SLC23A2: variants seen among roughly 807,000 people sequenced by gnomAD.
The protein encoded by SLC23A2 is Na(+)/L-ascorbic acid transporter 2.
A neutral mutation model predicts 73.3 loss-of-function variants in SLC23A2; 36 were observed. That is an observed-to-expected ratio of 0.49 (90% CI 0.38 to 0.65). The LOEUF is 0.65. Among genes scored for constraint, SLC23A2 ranks in the 30% least tolerant of loss-of-function variants. SLC23A2 has a pLI of 0.00. For missense variants in SLC23A2, 507 were observed against 841.6 expected, an observed-to-expected ratio of 0.60 and a Z score of 4.92; for synonymous variants, 343 against 327.3, an observed-to-expected ratio of 1.05 and a Z score of -0.52.
At chr20:4,907,496 T>C (rs181342535) in intron 4 of SLC23A2, among the ~76,000 whole-genome samples, 4 of 152,184 alleles carry the variant, frequency 2.6e-5, no homozygotes, top group African/African-American at 7.2e-5. Context: ...AAAAAAACTA[T>C]CTTCAGAAAA....
At chr20:4,992,367 T>C (rs919581640) in intron 1 of SLC23A2, among the ~76,000 whole-genome samples, 1 of 152,136 alleles carries the variant, frequency 6.6e-6, no homozygotes, top group African/African-American at 2.4e-5. Context: ...AAATAATCCT[T>C]ACTTCATACC....
At chr20:4,906,143 G>C (rs765785632) in intron 4 of SLC23A2, among the ~76,000 whole-genome samples, 1 of 152,192 alleles carries the variant, frequency 6.6e-6, no homozygotes, top group Non-Finnish European at 1.5e-5. Flanking sequence ...TTCGAGACCA[G>C]TCTGGGCAAC....
chr20:4,951,870 G>A (rs2087207800), intron 2 of SLC23A2, among the ~76,000 whole-genome samples: 1 of 152,082 alleles, frequency 6.6e-6, no homozygotes, highest in African/African-American at 2.4e-5. Context: ...TTGGGAGGCT[G>A]AGGCAGACGA....
At chr20:4,984,599 G>A (rs748531457) in intron 1 of SLC23A2, among the ~76,000 whole-genome samples, 1 of 151,618 alleles carries the variant, frequency 6.6e-6, no homozygotes, top group African/African-American at 2.4e-5. Context: ...AAAAAAATGA[G>A]CCAAGAATTT....
intron 1 of SLC23A2, among the ~76,000 whole-genome samples, chr20:4,995,777 C>G (rs942260248): frequency 1.3e-5 from 2 of 152,170 alleles, no homozygotes; most frequent in African/African-American, 2.4e-5. Flanking sequence ...CCTGCCACAC[C>G]TCAGCATCCT....
chr20:4,948,280 T>G (rs1354421639), intron 2 of SLC23A2, among the ~76,000 whole-genome samples: 3 of 152,200 alleles, frequency 2.0e-5, no homozygotes, highest in Non-Finnish European at 4.4e-5. Flanking sequence ...TGCCTCTATT[T>G]CCTAACTACC....
At chr20:4,874,464 G>T in intron 10 of SLC23A2, 112 bp downstream of exon 10, 1 of 981,980 alleles carries the variant, frequency 1.0e-6, no homozygotes, top group Non-Finnish European at 1.5e-6. Flanking sequence ...TGGTCTCACT[G>T]CACAGATATG....
chr20:4,852,924 T>A lies in SLC23A2; in HGVS notation c.*4048A>T, dbSNP rs924167431. The A allele has an allele frequency of 6.6e-6, 1 of 152,654 alleles. No homozygotes were observed. Among genetic ancestry groups the A allele is most frequent in the Admixed American group, 6.5e-5 (1 of 15,286 alleles). 9.5% of individuals were successfully genotyped at this position (152,654 alleles called of 1,614,324 possible). A position where few individuals can be genotyped will look rare whatever the true frequency, so the allele number is the denominator to read the frequency against. ...GCTGAAAAGAGACCCCCAACGCTAA[T>A]GTGCCTTATGGGTCCATGGGCAGAC... On this transcript the variant is annotated 3_prime_UTR_variant, in exon 17 of 17. Transcript: ENST00000338244. This position sits in a 1 kb window ranked among gnomAD's most constrained non-coding sequence, Gnocchi z 4.3.
In SLC23A2 at chr20:4,976,917, A is replaced by G. The variant is rs1049285613; in HGVS notation, c.-281-5998T>C. 5.3e-5 allele frequency among the ~76,000 whole-genome samples: 8 copies of G among 152,210 alleles called. No individual in the cohort carries two copies. The East Asian group carries it at 1.5e-3, about 29-fold the overall frequency. On this transcript the variant is annotated intron_variant, in intron 1 of 16. Coordinates refer to ENST00000338244, the MANE Select transcript of SLC23A2 (RefSeq NM_005116.6). ...CTTGAATCAGGGGGGCGGAGGTTGC[A>G]GTGAGCCAAGATCACACCACTGCAC...
At chr20:4,973,032 T>C (rs907572815) in intron 1 of SLC23A2, among the ~76,000 whole-genome samples, 1 of 152,204 alleles carries the variant, frequency 6.6e-6, no homozygotes, top group Non-Finnish European at 1.5e-5. Context: ...TTCAGTTAAG[T>C]TATAATAACA....
intron 2 of SLC23A2, among the ~76,000 whole-genome samples, chr20:4,941,940 C>T (rs186975129): frequency 3.3e-5 from 5 of 152,094 alleles, no homozygotes; most frequent in African/African-American, 1.2e-4. Context: ...AAATGTTAAC[C>T]AAAATGTTGA....
chr20:4,859,943 C>A (rs1169200553), intron 15 of SLC23A2, among the ~76,000 whole-genome samples: 1 of 152,138 alleles, frequency 6.6e-6, no homozygotes. Context: ...CACTTTCCAT[C>A]CGGAAGATAG....
intron 2 of SLC23A2, among the ~76,000 whole-genome samples, chr20:4,938,175 C>T (rs1246970365): frequency 6.6e-6 from 1 of 151,814 alleles, no homozygotes; most frequent in Non-Finnish European, 1.5e-5. Flanking sequence ...GGACTACAGG[C>T]ATGTGCCACA....
At chr20:5,006,463 G>C (rs571788181), upstream of SLC23A2, among the ~76,000 whole-genome samples, 9 of 152,008 alleles carry the variant, frequency 5.9e-5, no homozygotes, top group Non-Finnish European at 1.3e-4. Context: ...GGGGGGTGGG[G>C]AAAATAAGAT....
chr20:4,931,081 A>AT (rs2122940682), intron 3 of SLC23A2, among the ~76,000 whole-genome samples: 1 of 148,476 alleles, frequency 6.7e-6, no homozygotes, highest in African/African-American at 2.4e-5. Flanking sequence ...AAAAAAAAAA[A>AT]AAAAAAAAAA....
chr20:4,939,372 G>T (rs1463176032), intron 2 of SLC23A2, among the ~76,000 whole-genome samples: 1 of 152,124 alleles, frequency 6.6e-6, no homozygotes, highest in Non-Finnish European at 1.5e-5. Context: ...CAAGTCGGGG[G>T]TGTCAACGTC....
At position 4,892,960 on chromosome 20, in the gene SLC23A2, T is replaced by C. The variant is rs2122850895; in HGVS notation, c.482+6595A>G. 1.3e-5 allele frequency among the ~76,000 whole-genome samples: 2 copies of C among 152,164 alleles called. 1 individual carries two copies. The highest frequency in any genetic ancestry group is 4.2e-4 in the South Asian group (2 of 4,816). On this transcript the variant is annotated intron_variant, in intron 6 of 16. Coordinates refer to ENST00000338244, the MANE Select transcript of SLC23A2 (RefSeq NM_005116.6). ...CTGCATATGAGATGATGAAACAGAA[T>C]GATTGTTAATGTTCTTAGGTGTGAC...
chr20:4,910,702 C>CA (rs1932111722), intron 4 of SLC23A2, among the ~76,000 whole-genome samples: 1 of 152,186 alleles, frequency 6.6e-6, no homozygotes, highest in African/African-American at 2.4e-5. Context: ...TCCCAAAGTG[C>CA]TGTGATTGCA....
At chr20:4,859,523 C>T (rs1199344937) in intron 15 of SLC23A2, 139 bp from the exon 16 acceptor site, 5 of 665,092 alleles carry the variant, frequency 7.5e-6, no homozygotes, top group African/African-American at 7.2e-5. Flanking sequence ...TAGTTGTGCA[C>T]ATGTAGATGA....
Sources: allele counts gnomAD v4.1 joint callset (sites outside exome capture counted in the v4.1 genomes callset), GRCh38; gene constraint gnomAD v4.1.1; non-coding constraint Gnocchi (gnomAD v3.1); transcripts MANE v1.5; gene names NCBI Gene and HGNC (gene_info 2026-07-23, HGNC 2026-07-21).